Variants in ARSK observed in about 807,000 individuals in gnomAD.
ARSK encodes the protein arylsulfatase K.
A neutral mutation model predicts 53.2 loss-of-function variants in ARSK; 37 were observed. That is an observed-to-expected ratio of 0.70 (90% CI 0.54 to 0.92). ARSK has a LOEUF of 0.92. Ranked by LOEUF, ARSK falls within the 40% of genes least tolerant of loss-of-function variation. The probability of loss-of-function intolerance (pLI) is 0.00; values close to 1 mark genes in which losing one functional copy is unlikely to be tolerated. For synonymous variants in ARSK, 208 were observed against 223.2 expected (o/e 0.93, Z 0.61); for missense variants, 613 against 643.0 (o/e 0.95, Z 0.51).
chr5:95,600,936 A>G lies in ARSK; in HGVS notation c.1186A>G (p.Lys396Glu). ...AACATTTAAGAATGAACATAAAGTC[A>G]AAAACCTGCATCCACCCTGGATTCT... is the stretch of plus-strand genomic sequence containing the variant. ...SETFKNEHKV[K>E]NLHPPWILSE... The change falls in exon 7 of 8, where the codon AAA becomes GAA. Residue 396 changes from lysine to glutamate, a missense_variant. Transcript: ENST00000380009. 1 of 1,614,122 alleles carries G rather than the reference A, an allele frequency of 6.2e-7. No homozygotes were observed. The highest frequency in any genetic ancestry group is 8.5e-7 in the Non-Finnish European group (1 of 1,179,962).
At chr5:95,561,944 G>A (rs1037358660) in intron 1 of ARSK, among the ~76,000 whole-genome samples, 1 of 152,156 alleles carries the variant, frequency 6.6e-6, no homozygotes, top group African/African-American at 2.4e-5. Context: ...GCTAGGCACG[G>A]TGGTTCACAC....
intron 6 of ARSK, among the ~76,000 whole-genome samples, chr5:95,598,113 C>T (rs957848493): frequency 6.6e-6 from 1 of 152,118 alleles, no homozygotes; most frequent in South Asian, 2.1e-4. Context: ...TATCATCTCT[C>T]TTCAGGAGAT....
chr5:95,558,505 G>GTTC (rs1402549123), intron 1 of ARSK, among the ~76,000 whole-genome samples: 31 of 152,120 alleles, frequency 2.0e-4, no homozygotes, highest in Non-Finnish European at 4.0e-4. Flanking sequence ...AAAAGAGCTA[G>GTTC]ATGACTAAAA....
At chr5:95,590,134 A>G (rs967679057) in intron 5 of ARSK, among the ~76,000 whole-genome samples, 1 of 152,238 alleles carries the variant, frequency 6.6e-6, no homozygotes, top group African/African-American at 2.4e-5. Flanking sequence ...TACTCTACCT[A>G]GAAGAGCAGG....
intron 1 of ARSK, chr5:95,556,125 C>A: frequency 1.4e-6 from 1 of 692,756 alleles, no homozygotes; most frequent in Non-Finnish European, 2.6e-6. Context: ...CTCGGTGTTA[C>A]TGTGGTCACA....
chr5:95,577,134 A>G (rs35136761), intron 3 of ARSK, among the ~76,000 whole-genome samples: 1 of 152,216 alleles, frequency 6.6e-6, no homozygotes, highest in South Asian at 2.1e-4. Context: ...AATTCTATTA[A>G]CAACAGATAA....
rs10061402 is a variant in ARSK, at chr5:95,570,263, C to T, written c.416+2214C>T. Among the ~76,000 whole-genome samples, 194 of 152,344 alleles carry T rather than the reference C, an allele frequency of 1.3e-3. 1 individual carries two copies. Among genetic ancestry groups the T allele is most frequent in the African/African-American group, 4.2e-3 (176 of 41,580 alleles). The stretch of plus-strand genomic sequence containing the variant: ...ACCTCCAGTCTCATTTCATACCACT[C>T]TCTCCATCCCTCAGTATGCACCTGG... On this transcript the variant is annotated intron_variant, in intron 3 of 7. Coordinates refer to ENST00000380009, the MANE Select transcript of ARSK (RefSeq NM_198150.3).
In ARSK at chr5:95,591,426, A is replaced by C; in HGVS notation, c.897A>C (p.Gln299His). The change falls in exon 6 of 8, where the codon CAA becomes CAC. Residue 299 changes from glutamine to histidine, a missense_variant. Transcript: ENST00000380009. ...GTGAAATTATTTTGGCCCTTCATCA[A>C]TTAGATCTTCTTCAGAAAACTATTG... Reference protein sequence around the residue: ...MLGEIILALHQLDLLQKTIVI... With the variant: ...MLGEIILALHHLDLLQKTIVI... 1 of 1,613,822 alleles carries C rather than the reference A, an allele frequency of 6.2e-7. No homozygotes were observed. The highest frequency in any genetic ancestry group is 8.5e-7 in the Non-Finnish European group (1 of 1,179,712).
In ARSK at chr5:95,603,419, G is replaced by A. The variant is rs368614197; in HGVS notation, c.1504G>A (p.Val502Ile). The change falls in exon 8 of 8, where the codon GTT becomes ATT. Residue 502 changes from valine (V) to isoleucine (I), a missense_variant. Transcript: ENST00000380009. ...KQSIGQNYSN[V>I]IANLRWHQDW... ...AAGTATAGGACAGAATTATTCAAAC[G>A]TTATAGCAAATCTTAGGTGGCACCA... 5.3e-5 allele frequency: 85 copies of A among 1,613,634 alleles called. No individual in the cohort carries two copies. Among genetic ancestry groups the A allele is most frequent in the Non-Finnish European group, 6.7e-5 (79 of 1,179,752 alleles).
intron 5 of ARSK, among the ~76,000 whole-genome samples, chr5:95,590,634 A>G (rs1749196404): frequency 6.6e-6 from 1 of 152,178 alleles, no homozygotes; most frequent in South Asian, 2.1e-4. Context: ...ACACCTCAGA[A>G]TCTGTAGGTT....
At chr5:95,559,195 C>A (rs565084338) in intron 1 of ARSK, among the ~76,000 whole-genome samples, 7 of 152,238 alleles carry the variant, frequency 4.6e-5, no homozygotes, top group African/African-American at 1.7e-4. Context: ...ACGAATACAT[C>A]ACAAGGAAAG....
chr5:95,564,600 C>T (rs1188047740), intron 1 of ARSK, among the ~76,000 whole-genome samples: 7 of 152,138 alleles, frequency 4.6e-5, no homozygotes, highest in East Asian at 1.9e-4. Context: ...ATCTTTACCA[C>T]GCATCGAAAG....
At chr5:95,579,611 C>T (rs915355715) in intron 3 of ARSK, among the ~76,000 whole-genome samples, 14 of 152,162 alleles carry the variant, frequency 9.2e-5, no homozygotes, top group African/African-American at 3.4e-4. Flanking sequence ...ATGGACCACA[C>T]TTGGAGTAGC....
rs60589016 is a variant in ARSK, at chr5:95,590,258, T to C, written c.872-1143T>C. Among the ~76,000 whole-genome samples the C allele has an allele frequency of 4.8e-3, 725 of 152,244 alleles. 3 individuals carry two copies. Among genetic ancestry groups the C allele is most frequent in the African/African-American group, 0.016 (678 of 41,558 alleles). ...GGCATTCACCATAAATGGCAGAGTA[T>C]ATGCAGAGGCAAGAAAGCGTAAACT... On this transcript the variant is annotated intron_variant, in intron 5 of 7. Coordinates refer to ENST00000380009, the MANE Select transcript of ARSK (RefSeq NM_198150.3).
chr5:95,573,846 G>A (rs1028755300), intron 3 of ARSK, among the ~76,000 whole-genome samples: 3 of 152,132 alleles, frequency 2.0e-5, no homozygotes, highest in South Asian at 2.1e-4. Flanking sequence ...CCGTCCCCTC[G>A]AAGCATTTGT....
Position 95,600,776 on chromosome 5 carries a change from T to C in ARSK, c.1097-71T>C, listed in dbSNP as rs148124660. The C allele has an allele frequency of 6.9e-4, 941 of 1,368,224 alleles. 2 individuals carry two copies. The African/African-American group carries it at 0.012, about 17-fold the overall frequency. The allele number at this position is 1,368,224 out of a possible 1,614,324, so 84.8% of individuals were successfully genotyped here. A position where few individuals can be genotyped will look rare whatever the true frequency, so the allele number is the denominator to read the frequency against. ...AATGGTATGAAAAAAATGTGAATGA[T>C]GCTATTTGTGAATGTTCAGCTAATA... is the stretch of plus-strand genomic sequence containing the variant. On this transcript the variant is annotated intron_variant, in intron 6 of 7. Transcript: ENST00000380009.
At chr5:95,561,780 G>T (rs970320507) in intron 1 of ARSK, among the ~76,000 whole-genome samples, 8 of 152,144 alleles carry the variant, frequency 5.3e-5, no homozygotes, top group Non-Finnish European at 8.8e-5. Flanking sequence ...ATGTCTTTTG[G>T]GGATGATGAG....
chr5:95,556,084 G>T (rs528748590), intron 1 of ARSK: 22 of 633,518 alleles, frequency 3.5e-5, no homozygotes, highest in Admixed American at 1.5e-4. Flanking sequence ...ACAATTGTTT[G>T]GTTATTAATT....
At chr5:95,568,745 T>G (rs1213903285) in intron 3 of ARSK, among the ~76,000 whole-genome samples, 1 of 152,204 alleles carries the variant, frequency 6.6e-6, no homozygotes, top group East Asian at 1.9e-4. Flanking sequence ...TCTGGAGTAT[T>G]CCCACTATTC....
Sources: allele counts gnomAD v4.1 joint callset (sites outside exome capture counted in the v4.1 genomes callset), GRCh38; gene constraint gnomAD v4.1.1; transcripts MANE v1.5; gene names NCBI Gene and HGNC (gene_info 2026-07-23, HGNC 2026-07-21).